The following BNIP3L variants were observed in gnomAD, a reference collection of about 807,000 sequenced individuals.
The protein encoded by BNIP3L is BCL2 interacting protein 3 like, also known as BCL2/adenovirus E1B 19 kDa protein-interacting protein 3-like.
Under a neutral mutation model 25.5 loss-of-function variants are expected in BNIP3L, and 10 were observed. The observed-to-expected ratio is 0.39, with a 90% CI of 0.24 to 0.67. BNIP3L has a LOEUF of 0.67. Ranked by LOEUF, BNIP3L falls within the 30% of genes least tolerant of loss-of-function variation. BNIP3L has a pLI of 0.45. For missense variants in BNIP3L, 215 were observed against 270.9 expected, an observed-to-expected ratio of 0.79 and a Z score of 1.45; for synonymous variants, 113 against 101.2, an observed-to-expected ratio of 1.12 and a Z score of -0.70.
chr8:26,390,326 G>C (rs1806075682), intron 1 of BNIP3L: 1 of 975,202 alleles, frequency 1.0e-6, no homozygotes. Context: ...TTTTCAAGAT[G>C]TATGCAGAAT....
intron 1 of BNIP3L, among the ~76,000 whole-genome samples, chr8:26,385,394 C>G (rs1028351617): frequency 2.1e-4 from 32 of 151,834 alleles, no homozygotes; most frequent in African/African-American, 7.7e-4. Context: ...GTCAGGAGTT[C>G]GAGACCAGCC....
intron 2 of BNIP3L, among the ~76,000 whole-genome samples, chr8:26,394,469 A>T (rs545217647): frequency 6.6e-6 from 1 of 152,326 alleles, no homozygotes; most frequent in African/African-American, 2.4e-5. Context: ...GATATTTACT[A>T]TATTAGAAAT....
intron 1 of BNIP3L, among the ~76,000 whole-genome samples, chr8:26,389,872 C>T (rs1052691216): frequency 2.0e-5 from 3 of 152,122 alleles, no homozygotes; most frequent in Non-Finnish European, 4.4e-5. Flanking sequence ...ATTTAGAGTG[C>T]ATTTTAGAGT....
At chr8:26,385,782 C>T (rs1805979593) in intron 1 of BNIP3L, among the ~76,000 whole-genome samples, 1 of 152,122 alleles carries the variant, frequency 6.6e-6, no homozygotes, top group Non-Finnish European at 1.5e-5. Context: ...TGCTTTGGGA[C>T]ATCTGCTAGA....
intron 3 of BNIP3L, among the ~76,000 whole-genome samples, chr8:26,398,939 A>G: frequency 6.6e-6 from 1 of 151,360 alleles, no homozygotes; most frequent in East Asian, 2.0e-4. Context: ...TTTACCAACC[A>G]AGAAGAGTCC....
At chr8:26,393,872 A>T (rs1161398699) in intron 2 of BNIP3L, among the ~76,000 whole-genome samples, 1 of 152,132 alleles carries the variant, frequency 6.6e-6, no homozygotes, top group Non-Finnish European at 1.5e-5. Context: ...TCCTGTCCCC[A>T]TTTAAAAATC....
Position 26,395,229 on chromosome 8 carries a change from G to C in BNIP3L, c.285-1G>C. On this transcript the variant is annotated splice_acceptor_variant, in intron 2 of 5. Coordinates refer to ENST00000380629, the MANE Select transcript of BNIP3L (RefSeq NM_004331.3). LOFTEE classifies it high-confidence loss of function. ...TAATAGCTGAATTCCTTCTCTTCTA[G>C]CCCTTCGCCACAAGAAGATGGGCAG... 6.2e-7 allele frequency: 1 copy of C among 1,613,926 alleles called. No individual in the cohort carries two copies. The highest frequency in any genetic ancestry group is 8.5e-7 in the Non-Finnish European group (1 of 1,179,936).
chr8:26,405,521 T>A (rs1215344619), intron 3 of BNIP3L, among the ~76,000 whole-genome samples: 2 of 152,158 alleles, frequency 1.3e-5, no homozygotes, highest in African/African-American at 4.8e-5. Flanking sequence ...GCACAGGGGT[T>A]TTACTTTGCC....
chr8:26,404,483 A>G (rs1420003855), intron 3 of BNIP3L, among the ~76,000 whole-genome samples: 7 of 152,332 alleles, frequency 4.6e-5, no homozygotes, highest in South Asian at 4.1e-4. Context: ...AAAGAACTCC[A>G]TGTGAGAGAA....
Position 26,408,394 on chromosome 8 carries a change from C to A in BNIP3L, c.611+18C>A. The A allele has an allele frequency of 6.3e-7, 1 of 1,590,532 alleles. No individual in the cohort carries two copies. Among genetic ancestry groups the A allele is most frequent in the Non-Finnish European group, 8.6e-7 (1 of 1,168,536 alleles). ...GGGCTAGGGTAAGTACCGGTCAACT[C>A]CTGAAGTTTTTTCCATTCATTTTAT... is the stretch of plus-strand genomic sequence containing the variant. On this transcript the variant is annotated intron_variant, in intron 5 of 5. Coordinates refer to ENST00000380629, the MANE Select transcript of BNIP3L (RefSeq NM_004331.3).
At chr8:26,408,867 A>G (rs1025921537) in intron 5 of BNIP3L, among the ~76,000 whole-genome samples, 8 of 84,214 alleles carry the variant, frequency 9.5e-5, no homozygotes, top group African/African-American at 1.5e-4. Flanking sequence ...GTGAGACTCC[A>G]TCTCGGAAAA....
At chr8:26,407,627 C>T (rs1262489355) in intron 3 of BNIP3L, among the ~76,000 whole-genome samples, 2 of 152,150 alleles carry the variant, frequency 1.3e-5, no homozygotes, top group East Asian at 3.9e-4. Context: ...TGCACCCGGC[C>T]TAATTACGAA....
chr8:26,388,104 G>A (rs1806027940), intron 1 of BNIP3L, among the ~76,000 whole-genome samples: 1 of 152,320 alleles, frequency 6.6e-6, no homozygotes, highest in East Asian at 1.9e-4. Flanking sequence ...AAGTCTCCAT[G>A]TGAAACTGTC....
intron 3 of BNIP3L, among the ~76,000 whole-genome samples, chr8:26,402,596 G>A (rs1247785000): frequency 2.0e-5 from 3 of 152,216 alleles, no homozygotes; most frequent in Admixed American, 6.5e-5. Flanking sequence ...CTTAGTAGTC[G>A]CATGAGTAAT....
intron 1 of BNIP3L, chr8:26,383,510 TC>T: frequency 3.9e-6 from 3 of 769,852 alleles, no homozygotes; most frequent in South Asian, 3.9e-5. Flanking sequence ...CGGGGGGTGG[TC>T]CCCAGCAGCG....
intron 2 of BNIP3L, 63 bp from the exon 3 acceptor site, chr8:26,395,167 T>C: frequency 3.2e-6 from 5 of 1,546,752 alleles, no homozygotes; most frequent in Non-Finnish European, 4.4e-6. Context: ...TAATTTCTAG[T>C]AGAGACTAAG....
rs767716721 is a variant in BNIP3L at position 26,395,309 on chromosome 8, CGGG to C, written c.357+11_357+13del. 2.5e-6 allele frequency: 4 copies of C among 1,611,562 alleles called. No individual in the cohort carries two copies. The highest frequency in any genetic ancestry group is 3.4e-6 in the Non-Finnish European group (4 of 1,178,636). ...CAGGGACCATAGCTCTCAGGTGTGTCGGGGGGATTCTGATTTACAGTAAACAAT... is the reference window on the plus strand; with the variant it reads ...CAGGGACCATAGCTCTCAGGTGTGTCGGGATTCTGATTTACAGTAAACAAT... On this transcript the variant is annotated splice_region_variant and intron_variant, in intron 3 of 5. Coordinates refer to ENST00000380629, the MANE Select transcript of BNIP3L (RefSeq NM_004331.3).
Position 26,407,990 on chromosome 8 carries a change from T to G in BNIP3L, c.358-10T>G. ...CCTTTTTTTCTTAAAGTTTGAATTC[T>G]TCTTTACAGTCAGAAGAAGAAGTTG... On this transcript the variant is annotated splice_polypyrimidine_tract_variant and intron_variant, in intron 3 of 5. Coordinates refer to ENST00000380629, the MANE Select transcript of BNIP3L (RefSeq NM_004331.3). 6.2e-7 allele frequency: 1 copy of G among 1,613,192 alleles called. No homozygotes were observed. Among genetic ancestry groups the G allele is most frequent in the East Asian group, 2.2e-5 (1 of 44,882 alleles).
At position 26,408,377 on chromosome 8, in the gene BNIP3L, G is replaced by GT. The variant is rs1806545933; in HGVS notation, c.611+2dup. 6.2e-7 allele frequency: 1 copy of GT among 1,612,330 alleles called. No homozygotes were observed. Reference sequence around the variant, plus strand: ...CTCATGTTTTGGCTTTGGGGCTAGGGTAAGTACCGGTCAACTCCTGAAGTT... The same window carrying GT: ...CTCATGTTTTGGCTTTGGGGCTAGGGTTAAGTACCGGTCAACTCCTGAAGTT... On this transcript the variant is annotated splice_donor_variant, in intron 5 of 5. Transcript: ENST00000380629. LOFTEE classifies it high-confidence loss of function.
Sources: allele counts gnomAD v4.1 joint callset (sites outside exome capture counted in the v4.1 genomes callset), GRCh38; gene constraint gnomAD v4.1.1; transcripts MANE v1.5; gene names NCBI Gene and HGNC (gene_info 2026-07-23, HGNC 2026-07-21).